PCDHA2: variants seen among roughly 807,000 people sequenced by gnomAD.
The protein encoded by PCDHA2 is protocadherin alpha-2.
PCDHA2 carries 58 observed loss-of-function variants against 66.0 expected under a neutral mutation model. The observed-to-expected ratio is 0.88, with a 90% CI of 0.71 to 1.09. The LOEUF (loss-of-function observed/expected upper bound fraction) is 1.09. Among genes scored for constraint, PCDHA2 ranks in the 50% least tolerant of loss-of-function variants. The pLI, the probability that PCDHA2 is intolerant of heterozygous loss-of-function variation, is 0.00. For synonymous variants in PCDHA2, 634 were observed against 554.0 expected (o/e 1.14, Z -2.03); for missense variants, 1,267 against 1,242.3 (o/e 1.02, Z -0.30).
At chr5:140,821,231 G>A (rs887712288) in intron 1 of PCDHA2, among the ~76,000 whole-genome samples, 1 of 152,070 alleles carries the variant, frequency 6.6e-6, no homozygotes, top group Admixed American at 6.5e-5. Flanking sequence ...ATAGAGATGA[G>A]AAAAGTCAAA....
At chr5:140,977,732 G>A (rs538865467) in intron 1 of PCDHA2, among the ~76,000 whole-genome samples, 2 of 152,048 alleles carry the variant, frequency 1.3e-5, no homozygotes, top group African/African-American at 2.4e-5. Flanking sequence ...TTCTCTCCTG[G>A]GTGTTATGAA....
rs1554119647 is a variant in PCDHA2, at chr5:140,795,993, C to T, written c.1029C>T (p.Ile343=). The T allele has an allele frequency of 1.9e-6, 3 of 1,614,148 alleles. No homozygotes were observed. The highest frequency in any genetic ancestry group is 2.5e-6 in the Non-Finnish European group (3 of 1,180,012). Residue 343 remains isoleucine, a synonymous_variant, in exon 1 of 4, where the codon ATC becomes ATT. Transcript: ENST00000526136. The stretch of plus-strand genomic sequence containing the variant: ...AAATTTCATTAAAACTTGTGGACAT[C>T]AATGATAACACACCAGAAGTCTCAA... ...HCKISLKLVD[I]NDNTPEVSIT... is the part of the protein sequence containing the mutation.
chr5:140,796,112 G>A lies in PCDHA2; in HGVS notation c.1148G>A (p.Gly383Glu). The A allele has an allele frequency of 6.2e-7, 1 of 1,614,188 alleles. No homozygotes were observed. Among genetic ancestry groups the A allele is most frequent in the Non-Finnish European group, 8.5e-7 (1 of 1,180,032 alleles). Residue 383 changes from glycine (G) to glutamate (E), a missense_variant, in exon 1 of 4, where the codon GGA becomes GAA. Coordinates refer to ENST00000526136, the MANE Select transcript of PCDHA2 (RefSeq NM_018905.3). ...TCGGATCGCGACTCTGGTACGAATG[G>A]ACATGTCACCTGCTCCCTGACGCCC... ...TVSDRDSGTN[G>E]HVTCSLTPHV...
intron 1 of PCDHA2, chr5:140,841,825 A>G (rs1422577295): frequency 5.0e-6 from 8 of 1,613,926 alleles, no homozygotes; most frequent in Non-Finnish European, 6.8e-6. Context: ...ACTCCGTGTT[A>G]ACCTACAGGC....
rs2150342799 is a variant in PCDHA2 at position 140,842,713 on chromosome 5, G to C, written c.2388+45361G>C. ...CGCAGCCCGAGTACACGGTGTTCGT[G>C]AAGGAGAACAACCCGCCGGGCTGCC... On this transcript the variant is annotated intron_variant, in intron 1 of 3. Coordinates refer to ENST00000526136, the MANE Select transcript of PCDHA2 (RefSeq NM_018905.3). 4.1e-5 allele frequency: 65 copies of C among 1,595,292 alleles called. 3 individuals are homozygous for C. In the Middle Eastern group the frequency reaches 1.3e-3, roughly 31 times the overall value.
At chr5:140,968,464 C>T (rs1554230763) in intron 1 of PCDHA2, 4 of 1,613,996 alleles carry the variant, frequency 2.5e-6, no homozygotes, top group Admixed American at 1.7e-5. Flanking sequence ...TGACTGCCAA[C>T]GTATATGTGG....
At chr5:140,952,180 T>C (rs1034052117) in intron 1 of PCDHA2, among the ~76,000 whole-genome samples, 4 of 151,968 alleles carry the variant, frequency 2.6e-5, no homozygotes, top group Admixed American at 2.0e-4. Context: ...CTGCAGCTGC[T>C]CTCATGGGTT....
chr5:140,822,884 T>A (rs2150120043), intron 1 of PCDHA2: 1 of 1,614,242 alleles, frequency 6.2e-7, no homozygotes, highest in Admixed American at 1.7e-5. Context: ...GTCATTGCTC[T>A]GATCAGCGTG....
At chr5:140,838,077 AG>A (rs1404623081) in intron 1 of PCDHA2, among the ~76,000 whole-genome samples, 4 of 80,664 alleles carry the variant, frequency 5.0e-5, no homozygotes, top group African/African-American at 1.8e-4. Context: ...ATATATATAT[AG>A]TGTGTGTGTG....
At chr5:140,967,956 A>G in intron 1 of PCDHA2, 2 of 1,614,172 alleles carry the variant, frequency 1.2e-6, no homozygotes, top group Middle Eastern at 3.3e-4. Context: ...TCAGGCCCCA[A>G]CCGGAAAGTG....
chr5:140,846,373 C>CTTTTT (rs374699051), intron 1 of PCDHA2, among the ~76,000 whole-genome samples: 38 of 55,142 alleles, frequency 6.9e-4, no homozygotes, highest in East Asian at 1.7e-3. Context: ...TTCTTTCTTT[C>CTTTTT]TTTTTTTTTT....
chr5:140,836,580 A>G (rs782817140), intron 1 of PCDHA2: 1 of 1,613,664 alleles, frequency 6.2e-7, no homozygotes, highest in East Asian at 2.2e-5. Flanking sequence ...GGGCGCATGT[A>G]GTTTGGTAAA....
intron 1 of PCDHA2, chr5:140,802,676 G>C (rs541522479): frequency 6.2e-7 from 1 of 1,613,260 alleles, no homozygotes; most frequent in Admixed American, 1.7e-5. Flanking sequence ...TGTCCTACTC[G>C]CTGGTGGAAC....
At chr5:140,913,451 T>G (rs1201347326) in intron 1 of PCDHA2, among the ~76,000 whole-genome samples, 1 of 152,160 alleles carries the variant, frequency 6.6e-6, no homozygotes, top group East Asian at 1.9e-4. Context: ...CAGCTCCGAT[T>G]TTATTTACTT....
chr5:140,823,543 G>A (rs2150126800), intron 1 of PCDHA2: 1 of 1,613,868 alleles, frequency 6.2e-7, no homozygotes, highest in Admixed American at 1.7e-5. Flanking sequence ...GGGCCACGTG[G>A]TGGCGAAGGT....
intron 1 of PCDHA2, chr5:140,928,782 T>C (rs2085522837): frequency 6.2e-7 from 1 of 1,614,030 alleles, no homozygotes; most frequent in East Asian, 2.2e-5. Context: ...CTGATGCAGT[T>C]AAGCAGAGGG....
At chr5:140,851,660 T>G in intron 1 of PCDHA2, 1 of 914,450 alleles carries the variant, frequency 1.1e-6, no homozygotes, top group African/African-American at 1.8e-5. Flanking sequence ...GACATTCTCC[T>G]TTTAATTGAA....
intron 3 of PCDHA2, among the ~76,000 whole-genome samples, chr5:141,005,530 C>T (rs920110529): frequency 1.3e-5 from 2 of 151,002 alleles, no homozygotes; most frequent in Non-Finnish European, 3.0e-5. Context: ...GGTGAAACCC[C>T]GTCTCTACTA....
At chr5:140,868,860 A>C (rs2050688614) in intron 1 of PCDHA2, 1 of 525,418 alleles carries the variant, frequency 1.9e-6, no homozygotes, top group Admixed American at 3.7e-5. Context: ...GTGGTGGTAA[A>C]TGCAGTGCAC....
Sources: gnomAD v4.1 joint callset for allele counts (sites outside exome capture counted in the v4.1 genomes callset) on GRCh38, gnomAD v4.1.1 for gene constraint, MANE v1.5 for transcripts, NCBI Gene and HGNC (gene_info 2026-07-23, HGNC 2026-07-21) for gene names.